PPFIBP1: variants seen among roughly 807,000 people sequenced by gnomAD.
The protein encoded by PPFIBP1 is PPFIB scaffold protein 1.
A neutral mutation model predicts 137.8 loss-of-function variants in PPFIBP1; 112 were observed. That is an observed-to-expected ratio of 0.81 (90% CI 0.70 to 0.95). The LOEUF (loss-of-function observed/expected upper bound fraction) is 0.95, where lower values mean the gene tolerates loss of function less well. PPFIBP1 is among the 40% of genes least tolerant of loss of function. The pLI is 0.00. For synonymous variants in PPFIBP1, 378 were observed against 417.3 expected (o/e 0.91, Z 1.15); for missense variants, 1,083 against 1,196.6 (o/e 0.91, Z 1.40).
chr12:27,549,911 C>T (rs1044453418), intron 1 of PPFIBP1, among the ~76,000 whole-genome samples: 2 of 152,164 alleles, frequency 1.3e-5, no homozygotes, highest in Non-Finnish European at 2.9e-5. Context: ...GGGAGAGCTT[C>T]GCCTCTTTCG....
chr12:27,646,043 A>G lies in PPFIBP1; in HGVS notation c.271-19A>G, dbSNP rs771898770. 16 of 1,539,354 alleles carry G rather than the reference A, an allele frequency of 1.0e-5. No homozygotes were observed. Among genetic ancestry groups the G allele is most frequent in the African/African-American group, 2.7e-5 (2 of 73,364 alleles). ...TTCTTAGAGAAGATCAGCCTTACCC[A>G]TATTACTTCCTTTTTCAGACAAATG... On this transcript the variant is annotated intron_variant, in intron 4 of 29. Transcript: ENST00000228425.
intron 21 of PPFIBP1, among the ~76,000 whole-genome samples, 197 bp downstream of exon 21, chr12:27,680,258 T>C (rs754071819): frequency 6.6e-6 from 1 of 152,234 alleles, no homozygotes; most frequent in Non-Finnish European, 1.5e-5. Context: ...CTGTGCGAAC[T>C]AGGGGAGAGG....
chr12:27,651,293 G>A (rs2058860621), intron 7 of PPFIBP1, among the ~76,000 whole-genome samples: 1 of 149,172 alleles, frequency 6.7e-6, no homozygotes, highest in African/African-American at 2.5e-5. Context: ...TTTTTTAAGA[G>A]ATAGGATCTT....
chr12:27,583,844 AG>A (rs1324031452), intron 2 of PPFIBP1, among the ~76,000 whole-genome samples: 1 of 152,182 alleles, frequency 6.6e-6, no homozygotes, highest in Non-Finnish European at 1.5e-5. Context: ...CTCTATCCAG[AG>A]GGTGACTTTT....
intron 1 of PPFIBP1, among the ~76,000 whole-genome samples, chr12:27,535,884 A>G (rs1483738333): frequency 6.6e-6 from 1 of 152,232 alleles, no homozygotes; most frequent in Non-Finnish European, 1.5e-5. Context: ...TATGATGTGT[A>G]ATGAAAGACT....
chr12:27,619,861 TGTATA>T (rs1403133228), intron 2 of PPFIBP1, among the ~76,000 whole-genome samples: 3 of 152,162 alleles, frequency 2.0e-5, no homozygotes, highest in African/African-American at 7.2e-5. Flanking sequence ...CATCCTAATA[TGTATA>T]GTAATATACA....
At chr12:27,541,847 A>T (rs1384575615) in intron 1 of PPFIBP1, among the ~76,000 whole-genome samples, 1 of 152,152 alleles carries the variant, frequency 6.6e-6, no homozygotes, top group African/African-American at 2.4e-5. Flanking sequence ...TTCCGACTCC[A>T]GGGCTGACCT....
At chr12:27,589,382 C>G (rs897028542) in intron 2 of PPFIBP1, among the ~76,000 whole-genome samples, 1 of 152,200 alleles carries the variant, frequency 6.6e-6, no homozygotes, top group Non-Finnish European at 1.5e-5. Flanking sequence ...CAGGCTCAAG[C>G]GATCCTTGCG....
At chr12:27,542,561 T>C (rs946429221) in intron 1 of PPFIBP1, among the ~76,000 whole-genome samples, 1 of 152,268 alleles carries the variant, frequency 6.6e-6, no homozygotes, top group Non-Finnish European at 1.5e-5. Context: ...TGATTGTTTC[T>C]GAATCTCAAA....
At chr12:27,541,590 G>A (rs1445653566) in intron 1 of PPFIBP1, among the ~76,000 whole-genome samples, 2 of 152,150 alleles carry the variant, frequency 1.3e-5, no homozygotes, top group African/African-American at 2.4e-5. Flanking sequence ...CCTCACCCAG[G>A]TTGAGTCCTG....
chr12:27,587,332 T>TCATGACACTTC (rs2051885036), intron 2 of PPFIBP1, among the ~76,000 whole-genome samples: 1 of 152,086 alleles, frequency 6.6e-6, no homozygotes. Flanking sequence ...TCATAAGATA[T>TCATGACACTTC]TACTGTTGGC....
chr12:27,582,758 G>A (rs139631677), intron 2 of PPFIBP1, among the ~76,000 whole-genome samples: 3 of 152,132 alleles, frequency 2.0e-5, no homozygotes, highest in South Asian at 2.1e-4. Flanking sequence ...TAACATGTGC[G>A]ATCACTGTAG....
intron 24 of PPFIBP1, among the ~76,000 whole-genome samples, chr12:27,684,968 A>C (rs2061108660): frequency 6.6e-6 from 1 of 152,080 alleles, no homozygotes; most frequent in African/African-American, 2.4e-5. Flanking sequence ...ACATTTCACC[A>C]GTTTTTCCAG....
At chr12:27,586,570 G>A (rs933279246) in intron 2 of PPFIBP1, among the ~76,000 whole-genome samples, 4 of 152,020 alleles carry the variant, frequency 2.6e-5, no homozygotes, top group Admixed American at 6.6e-5. Flanking sequence ...GGTTGTGTAC[G>A]CCTATAGTCC....
At chr12:27,538,398 G>A (rs1024420229) in intron 1 of PPFIBP1, 1 of 152,142 alleles carries the variant, frequency 6.6e-6, no homozygotes, top group African/African-American at 2.4e-5. Flanking sequence ...TTTGAGATCT[G>A]GCATCTACTT....
rs914803078 is a variant in PPFIBP1 at position 27,533,134 on chromosome 12, G to GGAA, written c.-124+8770_-124+8772dup. Among the ~76,000 whole-genome samples the GGAA allele has an allele frequency of 1.3e-3, 194 of 152,188 alleles. 2 individuals are homozygous for GGAA. Among genetic ancestry groups the GGAA allele is most frequent in the African/African-American group, 4.3e-3 (180 of 41,464 alleles). On this transcript the variant is annotated intron_variant, in intron 1 of 29. Coordinates refer to ENST00000228425, the MANE Select transcript of PPFIBP1 (RefSeq NM_003622.4). The stretch of plus-strand genomic sequence containing the variant: ...TTCTGACTCAGCCTCCCGAGTAGCT[G>GGAA]GAACTACAGGGACATGCCTCCATGC...
intron 2 of PPFIBP1, among the ~76,000 whole-genome samples, chr12:27,615,094 G>A (rs1259280103): frequency 6.6e-6 from 1 of 152,110 alleles, no homozygotes; most frequent in African/African-American, 2.4e-5. Flanking sequence ...ACACCATGGG[G>A]GTTCTGAGCT....
At chr12:27,566,702 A>C (rs1337870033) in intron 1 of PPFIBP1, among the ~76,000 whole-genome samples, 2 of 152,224 alleles carry the variant, frequency 1.3e-5, no homozygotes, top group Non-Finnish European at 2.9e-5. Flanking sequence ...ATTCTCACAC[A>C]GTAAGTGGGA....
intron 12 of PPFIBP1, among the ~76,000 whole-genome samples, chr12:27,666,090 G>A (rs1386716016): frequency 3.5e-5 from 5 of 140,988 alleles, no homozygotes; most frequent in South Asian, 2.6e-4. Flanking sequence ...AGACTATATC[G>A]TAAAACATTT....
Sources: allele counts gnomAD v4.1 joint callset (sites outside exome capture counted in the v4.1 genomes callset), GRCh38; gene constraint gnomAD v4.1.1; transcripts MANE v1.5; gene names NCBI Gene and HGNC (gene_info 2026-07-23, HGNC 2026-07-21).